CDKAL1: variants seen among roughly 807,000 people sequenced by gnomAD.
The protein encoded by CDKAL1 is threonylcarbamoyladenosine tRNA methylthiotransferase.
In CDKAL1, 32 loss-of-function variants were observed where a neutral mutation model predicts 68.2. The ratio of observed to expected loss-of-function variants is 0.47; its 90% CI spans 0.35 to 0.63. The LOEUF is 0.63. Among genes scored for constraint, CDKAL1 ranks in the 30% least tolerant of loss-of-function variants. CDKAL1 has a pLI of 0.00. For synonymous variants in CDKAL1, 234 were observed against 244.3 expected, an observed-to-expected ratio of 0.96 and a Z score of 0.39; for missense variants, 606 against 696.7, an observed-to-expected ratio of 0.87 and a Z score of 1.47.
At chr6:21,203,284 G>T (rs1443510844) in intron 15 of CDKAL1, among the ~76,000 whole-genome samples, 1 of 131,624 alleles carries the variant, frequency 7.6e-6, no homozygotes, top group Non-Finnish European at 1.5e-5. Context: ...GCCCAGCCTG[G>T]AGTGCAGTGG....
intron 9 of CDKAL1, among the ~76,000 whole-genome samples, chr6:20,888,680 T>G (rs1761220295): frequency 6.6e-6 from 1 of 151,698 alleles, no homozygotes; most frequent in African/African-American, 2.4e-5. Flanking sequence ...TTCATCCATG[T>G]CCCTACAAAG....
chr6:20,866,504 G>C (rs183830166), intron 9 of CDKAL1, among the ~76,000 whole-genome samples: 3 of 152,258 alleles, frequency 2.0e-5, no homozygotes, highest in South Asian at 2.1e-4. Flanking sequence ...GAGCCATCTT[G>C]CTTTGTGGTT....
At chr6:20,841,316 G>A (rs1778165377) in intron 8 of CDKAL1, among the ~76,000 whole-genome samples, 1 of 152,110 alleles carries the variant, frequency 6.6e-6, no homozygotes. Context: ...AGAAGACTGT[G>A]TCACATTAGT....
At chr6:20,803,730 A>G (rs1247739090) in intron 8 of CDKAL1, among the ~76,000 whole-genome samples, 1 of 152,150 alleles carries the variant, frequency 6.6e-6, no homozygotes, top group African/African-American at 2.4e-5. Context: ...GGGGAGAATC[A>G]GGGGAGCTGA....
chr6:21,176,703 T>TG (rs1218014306), intron 13 of CDKAL1, among the ~76,000 whole-genome samples: 30 of 147,328 alleles, frequency 2.0e-4, no homozygotes, highest in African/African-American at 7.6e-4. Context: ...TTTGTTTTTT[T>TG]TTTTTTTTTG....
At chr6:20,588,758 T>G (rs1323434819) in intron 4 of CDKAL1, among the ~76,000 whole-genome samples, 1 of 152,206 alleles carries the variant, frequency 6.6e-6, no homozygotes, top group African/African-American at 2.4e-5. Context: ...GCTAGAGACC[T>G]CCTTTTAAAA....
chr6:21,136,794 G>A (rs1290035021), intron 13 of CDKAL1, among the ~76,000 whole-genome samples: 2 of 152,134 alleles, frequency 1.3e-5, no homozygotes, highest in African/African-American at 2.4e-5. Flanking sequence ...TTGTAACCAA[G>A]AAAACCAAGA....
chr6:20,837,256 A>T (rs144044797), intron 8 of CDKAL1, among the ~76,000 whole-genome samples: 164 of 152,154 alleles, frequency 1.1e-3, no homozygotes, highest in African/African-American at 3.8e-3. Flanking sequence ...GTTTTATCTG[A>T]ATTTAGCTTT....
intron 9 of CDKAL1, among the ~76,000 whole-genome samples, chr6:20,867,094 A>T (rs1026058508): frequency 3.3e-5 from 5 of 152,144 alleles, no homozygotes; most frequent in African/African-American, 1.2e-4. Context: ...CTGAGGCTTC[A>T]ATTTGTGTTT....
chr6:20,604,798 A>G (rs1043858586), intron 4 of CDKAL1, among the ~76,000 whole-genome samples: 2 of 152,344 alleles, frequency 1.3e-5, no homozygotes, highest in East Asian at 1.9e-4. Context: ...TGACCAATAC[A>G]TGTGCTGTCT....
chr6:20,882,754 A>G (rs1419698780), intron 9 of CDKAL1, among the ~76,000 whole-genome samples: 1 of 152,200 alleles, frequency 6.6e-6, no homozygotes, highest in East Asian at 1.9e-4. Flanking sequence ...AAACATTCAC[A>G]TACGGATTCT....
chr6:20,841,009 T>A (rs953236189), intron 8 of CDKAL1, among the ~76,000 whole-genome samples: 6 of 152,228 alleles, frequency 3.9e-5, no homozygotes, highest in African/African-American at 7.2e-5. Flanking sequence ...ATTGGTTTTT[T>A]GTTTTTGTGG....
intron 13 of CDKAL1, among the ~76,000 whole-genome samples, chr6:21,169,921 A>ACCCCCCCCCCC (rs57265201): frequency 3.1e-5 from 4 of 127,756 alleles, no homozygotes; most frequent in Non-Finnish European, 3.3e-5. Flanking sequence ...TACGGGAAAG[A>ACCCCCCCCCCC]CCCCCCCCAC....
intron 11 of CDKAL1, among the ~76,000 whole-genome samples, chr6:21,002,701 T>C (rs1001425903): frequency 6.6e-6 from 1 of 151,584 alleles, no homozygotes; most frequent in Admixed American, 6.6e-5. Flanking sequence ...AATAAAGTGA[T>C]CCTAGGCCCA....
intron 4 of CDKAL1, among the ~76,000 whole-genome samples, chr6:20,599,775 A>T (rs1380521181): frequency 6.6e-6 from 1 of 152,200 alleles, no homozygotes; most frequent in Non-Finnish European, 1.5e-5. Context: ...TTTGCATAAA[A>T]TTGGTCATCT....
At chr6:20,975,865 C>T (rs944698481) in intron 10 of CDKAL1, among the ~76,000 whole-genome samples, 47 of 152,204 alleles carry the variant, frequency 3.1e-4, no homozygotes, top group African/African-American at 1.1e-3. Context: ...CTTTATGGCA[C>T]TCTTACTAGG....
At chr6:20,683,277 G>A (rs1445542284) in intron 5 of CDKAL1, among the ~76,000 whole-genome samples, 1 of 152,162 alleles carries the variant, frequency 6.6e-6, no homozygotes, top group African/African-American at 2.4e-5. Flanking sequence ...TAAAACCTGG[G>A]TCATTCCTGC....
intron 4 of CDKAL1, among the ~76,000 whole-genome samples, chr6:20,629,516 C>T (rs892398460): frequency 1.3e-5 from 2 of 152,204 alleles, no homozygotes; most frequent in African/African-American, 4.8e-5. Context: ...GTGCTCTGCA[C>T]CTTGCTGTCC....
At chr6:20,569,904 C>T (rs2127676791) in intron 4 of CDKAL1, among the ~76,000 whole-genome samples, 1 of 152,162 alleles carries the variant, frequency 6.6e-6, no homozygotes, top group African/African-American at 2.4e-5. Flanking sequence ...TTTAACCTTT[C>T]ATCTCAAGAG....
Sources: gnomAD v4.1 joint callset for allele counts (sites outside exome capture counted in the v4.1 genomes callset) on GRCh38, gnomAD v4.1.1 for gene constraint, MANE v1.5 for transcripts, NCBI Gene and HGNC (gene_info 2026-07-23, HGNC 2026-07-21) for gene names.